The following HECW2 variants were observed in gnomAD, a reference collection of about 807,000 sequenced individuals.
HECW2 encodes E3 ubiquitin-protein ligase HECW2.
In HECW2, 61 loss-of-function variants were observed where a neutral mutation model predicts 175.2. That is an observed-to-expected ratio of 0.35 (90% CI 0.28 to 0.43). HECW2 has a LOEUF of 0.43. Ranked by LOEUF, HECW2 falls within the 20% of genes least tolerant of loss-of-function variation. The pLI, the probability that HECW2 is intolerant of heterozygous loss-of-function variation, is 1.00. For synonymous variants in HECW2, 671 were observed against 731.0 expected (o/e 0.92, Z 1.32); for missense variants, 1,524 against 2,000.5 (o/e 0.76, Z 4.54).
chr2:196,253,205 T>C (rs1442480968), intron 19 of HECW2, among the ~76,000 whole-genome samples: 2 of 152,252 alleles, frequency 1.3e-5, no homozygotes, highest in African/African-American at 4.8e-5. Flanking sequence ...ATATGGAGTT[T>C]GCACTTCTAC....
intron 1 of HECW2, among the ~76,000 whole-genome samples, chr2:196,590,889 CTTTTA>C (rs1355484738): frequency 2.0e-5 from 3 of 152,330 alleles, no homozygotes; most frequent in African/African-American, 4.8e-5. Context: ...CCAGTGCTTA[CTTTTA>C]TTTTTTGTCT....
At chr2:196,461,768 C>A (rs759325351) in intron 1 of HECW2, among the ~76,000 whole-genome samples, 3 of 151,986 alleles carry the variant, frequency 2.0e-5, no homozygotes, top group Non-Finnish European at 4.4e-5. Context: ...TCGTGAGAAC[C>A]CACTCAACGT....
Position 196,319,902 on chromosome 2 carries a change from C to T in HECW2, c.988G>A (p.Ala330Thr). Reference protein sequence around the residue: ...VEVTSSVHEDASPEAVGTILG... With the variant: ...VEVTSSVHEDTSPEAVGTILG... The stretch of plus-strand genomic sequence containing the variant: ...ATTGTGCCAACAGCTTCTGGAGAGG[C>T]ATCTGAATGAGAAAACAGCATTTCT... The change falls in exon 9 of 29, where the codon GCC (alanine) becomes ACC (threonine). Residue 330 changes from alanine (A) to threonine (T), a missense_variant and splice_region_variant. By Grantham distance (58) the Ala-to-Thr change is moderately conservative (BLOSUM62 0). Transcript: ENST00000644978. 3 of 1,580,940 alleles carry T rather than the reference C, an allele frequency of 1.9e-6. No homozygotes were observed. Among genetic ancestry groups the T allele is most frequent in the East Asian group, 4.5e-5 (2 of 44,326 alleles).
At chr2:196,362,092 A>G in intron 2 of HECW2, 1 of 985,334 alleles carries the variant, frequency 1.0e-6, no homozygotes, top group Non-Finnish European at 1.2e-6. Context: ...GCAGGTCTCT[A>G]ACAAGAGGCT....
chr2:196,348,258 TC>T (rs1693034403), intron 2 of HECW2, among the ~76,000 whole-genome samples: 1 of 152,190 alleles, frequency 6.6e-6, no homozygotes, highest in Non-Finnish European at 1.5e-5. Context: ...ATATTTTTTT[TC>T]CTATATTCAA....
At chr2:196,388,091 G>C (rs546228705) in intron 2 of HECW2, among the ~76,000 whole-genome samples, 1 of 152,050 alleles carries the variant, frequency 6.6e-6, no homozygotes, top group South Asian at 2.1e-4. Flanking sequence ...AGGAGTTCAA[G>C]ACCAGACTGG....
Position 196,319,041 on chromosome 2 carries a change from T to C in HECW2, c.1849A>G (p.Ser617Gly), listed in dbSNP as rs1304760562. Residue 617 changes from serine (S) to glycine (G), a missense_variant, in exon 9 of 29, where the codon AGT becomes GGT. Around this residue, in one of 11 missense-constraint regions of HECW2, gnomAD observed 604 missense variants for 588.3 expected, o/e 1.03. Coordinates refer to ENST00000644978, the MANE Select transcript of HECW2 (RefSeq NM_001348768.2). The part of the protein sequence containing the change: ...PSQVSSETEP[S>G]DPARTESVSE... ...ACACTCTCTGTCCTGGCAGGATCAC[T>C]GGGTTCTGTTTCAGAGGACACCTGG... 2 of 1,613,772 alleles carry C rather than the reference T, an allele frequency of 1.2e-6. No homozygotes were observed. Among genetic ancestry groups the C allele is most frequent in the African/African-American group, 1.3e-5 (1 of 75,048 alleles).
At chr2:196,334,347 C>T (rs1692472513) in intron 4 of HECW2, 77 bp downstream of exon 4, 2 of 1,058,988 alleles carry the variant, frequency 1.9e-6, no homozygotes, top group African/African-American at 1.6e-5. Context: ...ATAACCCTGT[C>T]AGGGCCGCAC....
At chr2:196,233,236 G>A (rs994686124) in intron 21 of HECW2, among the ~76,000 whole-genome samples, 2 of 152,220 alleles carry the variant, frequency 1.3e-5, no homozygotes, top group African/African-American at 4.8e-5. Flanking sequence ...GTGTGTAGCC[G>A]CACAACAGCT....
chr2:196,538,039 G>A (rs1163324761), intron 1 of HECW2, among the ~76,000 whole-genome samples: 2 of 152,090 alleles, frequency 1.3e-5, no homozygotes, highest in African/African-American at 4.8e-5. Context: ...ACCCTCTGTT[G>A]GTGTCTGGAT....
At chr2:196,207,745 T>C (rs1687122932) in intron 28 of HECW2, among the ~76,000 whole-genome samples, 1 of 152,226 alleles carries the variant, frequency 6.6e-6, no homozygotes, top group Non-Finnish European at 1.5e-5. Flanking sequence ...GAGGAGTATC[T>C]ATAGACGGGT....
chr2:196,236,821 T>C (rs1285280226), intron 21 of HECW2, among the ~76,000 whole-genome samples: 1 of 152,206 alleles, frequency 6.6e-6, no homozygotes, highest in East Asian at 1.9e-4. Flanking sequence ...TCAACATGAC[T>C]TGTGGCTATT....
chr2:196,556,471 ACT>A (rs769570540), intron 1 of HECW2, among the ~76,000 whole-genome samples: 6 of 151,878 alleles, frequency 4.0e-5, no homozygotes. Flanking sequence ...CGACCCTTCT[ACT>A]CTCTGTTTCT....
intron 1 of HECW2, among the ~76,000 whole-genome samples, chr2:196,570,631 A>G (rs1157942988): frequency 6.6e-6 from 1 of 152,200 alleles, no homozygotes; most frequent in Non-Finnish European, 1.5e-5. Flanking sequence ...CAGCAAACCA[A>G]CATGGCACAT....
intron 1 of HECW2, among the ~76,000 whole-genome samples, chr2:196,488,047 T>C (rs1687066247): frequency 6.6e-6 from 1 of 152,228 alleles, no homozygotes; most frequent in Admixed American, 6.5e-5. Flanking sequence ...CTTACTGTGC[T>C]TCCTTTTTAA....
In HECW2 at chr2:196,253,944, C is replaced by T. The variant is rs1158080572; in HGVS notation, c.3505G>A (p.Val1169Met). Residue 1169 changes from valine (V) to methionine (M), a missense_variant, in exon 19 of 29, where the codon GTG becomes ATG. By Grantham distance (21) the Val-to-Met change is conservative. Around this residue, in one of 11 missense-constraint regions of HECW2, gnomAD observed 291 missense variants for 412.2 expected, o/e 0.71. Transcript: ENST00000644978. ...CCTGGCGAGTTCTGAGGAGATGACA[C>T]GGGAGAGCCACGTGGGGACTGACAG... ...SYCQSPRGSP[V>M]SSPQNSPGTQ... 28 of 1,613,774 alleles carry T rather than the reference C, an allele frequency of 1.7e-5. No individual in the cohort carries two copies. In the Middle Eastern group the frequency reaches 9.9e-4, roughly 57 times the overall value.
chr2:196,475,802 G>T (rs1417617283), intron 1 of HECW2, among the ~76,000 whole-genome samples: 2 of 152,234 alleles, frequency 1.3e-5, no homozygotes, highest in African/African-American at 4.8e-5. Context: ...CCTCTGATTG[G>T]CCTGGCCTGG....
chr2:196,379,953 C>T (rs1694163801), intron 2 of HECW2, among the ~76,000 whole-genome samples: 1 of 149,386 alleles, frequency 6.7e-6, no homozygotes, highest in African/African-American at 2.5e-5. Flanking sequence ...TTAAAGGTGA[C>T]ATAATAAATA....
At chr2:196,304,923 G>A (rs1034351123) in intron 13 of HECW2, among the ~76,000 whole-genome samples, 4 of 152,128 alleles carry the variant, frequency 2.6e-5, no homozygotes, top group African/African-American at 9.7e-5. Context: ...GCAGCTTCAC[G>A]AATCGATTGT....
Sources: allele counts gnomAD v4.1 joint callset (sites outside exome capture counted in the v4.1 genomes callset), GRCh38; gene constraint gnomAD v4.1.1; regional missense constraint gnomAD v4.1.1; transcripts MANE v1.5; gene names NCBI Gene and HGNC (gene_info 2026-07-23, HGNC 2026-07-21).